ETV2: variants seen among roughly 807,000 people sequenced by gnomAD.
The protein encoded by ETV2 is ETS variant transcription factor 2.
Under a neutral mutation model 35.7 loss-of-function variants are expected in ETV2, and 34 were observed. That is an observed-to-expected ratio of 0.95 (90% CI 0.72 to 1.27). The LOEUF is 1.27. Among genes scored for constraint, ETV2 ranks in the 50% most tolerant of loss-of-function variants. ETV2 has a pLI of 0.00. For missense variants in ETV2, 512 were observed against 470.5 expected, an observed-to-expected ratio of 1.09 and a Z score of -0.82; for synonymous variants, 207 against 203.9, an observed-to-expected ratio of 1.02 and a Z score of -0.13.
chr19:35,644,599 C>G lies in ETV2; in HGVS notation c.829-53C>G, dbSNP rs550330381. The G allele has an allele frequency of 5.9e-6, 9 of 1,527,260 alleles. No homozygotes were observed. In the South Asian group the frequency reaches 1.1e-4, roughly 19 times the overall value. The allele number at this position is 1,527,260 out of a possible 1,614,324, so 94.6% of individuals were successfully genotyped here. The stretch of plus-strand genomic sequence containing the variant: ...CCGCCCCCAGGCCCGGCCCTCCCCA[C>G]TATCGCCAAGCCCCGCCCCTTCCCA... On this transcript the variant is annotated intron_variant, in intron 6 of 6. Transcript: ENST00000402764. This position sits in a 1 kb window ranked among gnomAD's most constrained non-coding sequence, Gnocchi z 4.7.
In ETV2 at chr19:35,644,591, C is replaced by A; in HGVS notation, c.829-61C>A. ...ACTGCACACCGCCCCCAGGCCCGGC[C>A]CTCCCCACTATCGCCAAGCCCCGCC... On this transcript the variant is annotated intron_variant, in intron 6 of 6. Transcript: ENST00000402764. The surrounding 1 kb of genome is among the most constrained non-coding windows in gnomAD (Gnocchi z 4.7). 6.7e-7 allele frequency: 1 copy of A among 1,488,210 alleles called. No individual in the cohort carries two copies. Among genetic ancestry groups the A allele is most frequent in the Non-Finnish European group, 9.1e-7 (1 of 1,104,524 alleles). 92.2% of individuals were successfully genotyped at this position (1,488,210 alleles called of 1,614,324 possible).
rs1004314092 is a variant in ETV2, at chr19:35,642,937, C to G, written c.155-28C>G. On this transcript the variant is annotated intron_variant, in intron 3 of 6. Coordinates refer to ENST00000402764, the MANE Select transcript of ETV2 (RefSeq NM_014209.4). The surrounding 1 kb of genome is among the most constrained non-coding windows in gnomAD (Gnocchi z 4.4). ...GAGTGGGTAGTTGAGGGGTCTCTTT[C>G]ATTGCTCACAGTCCTCCCTAAACTC... 10 of 1,420,416 alleles carry G rather than the reference C, an allele frequency of 7.0e-6. No homozygotes were observed. In the Admixed American group the frequency reaches 1.2e-4, roughly 17 times the overall value. The allele number at this position is 1,420,416 out of a possible 1,614,324, so 88.0% of individuals were successfully genotyped here. A position where few individuals can be genotyped will look rare whatever the true frequency, so the allele number is the denominator to read the frequency against.
In ETV2 at chr19:35,644,590, C is replaced by A; in HGVS notation, c.829-62C>A. 1 of 1,477,374 alleles carries A rather than the reference C, an allele frequency of 6.8e-7. No homozygotes were observed. The highest frequency in any genetic ancestry group is 9.1e-7 in the Non-Finnish European group (1 of 1,097,582). 91.5% of individuals were successfully genotyped at this position (1,477,374 alleles called of 1,614,324 possible). On this transcript the variant is annotated intron_variant, in intron 6 of 6. Coordinates refer to ENST00000402764, the MANE Select transcript of ETV2 (RefSeq NM_014209.4). The surrounding 1 kb of genome is among the most constrained non-coding windows in gnomAD (Gnocchi z 4.7). ...CACTGCACACCGCCCCCAGGCCCGG[C>A]CCTCCCCACTATCGCCAAGCCCCGC... is the stretch of plus-strand genomic sequence containing the variant.
chr19:35,644,654 G>A lies in ETV2; in HGVS notation c.831G>A (p.Val277=). 6.2e-7 allele frequency: 1 copy of A among 1,606,144 alleles called. No individual in the cohort carries two copies. Among genetic ancestry groups the A allele is most frequent in the Non-Finnish European group, 8.5e-7 (1 of 1,175,576 alleles). ...REFQLCDPKE[V]ARLWGERKRK... is the part of the protein sequence containing the mutation. ...GACCGAGCGGGCCTCTGTCCTAGGT[G>A]GCTCGGCTGTGGGGCGAGCGCAAGA... The change falls in exon 7 of 7, where the codon GTG becomes GTA. Residue 277 remains valine (V), a splice_region_variant and synonymous_variant. Transcript: ENST00000402764. This position sits in a 1 kb window ranked among gnomAD's most constrained non-coding sequence, Gnocchi z 4.7.
In ETV2 at chr19:35,642,357, T is replaced by C; in HGVS notation, c.-27-77T>C. The C allele has an allele frequency of 1.3e-6, 1 of 742,958 alleles. No individual in the cohort carries two copies. Among genetic ancestry groups the C allele is most frequent in the Non-Finnish European group, 2.2e-6 (1 of 459,150 alleles). 46.0% of individuals were successfully genotyped at this position (742,958 alleles called of 1,614,324 possible). ...CTGGACTCCTGGCTCTGAGGGAAGC[T>C]AGGGCTGGGGCCCAGACTCCAGGGC... On this transcript the variant is annotated intron_variant, in intron 1 of 6. Coordinates refer to ENST00000402764, the MANE Select transcript of ETV2 (RefSeq NM_014209.4). The surrounding 1 kb of genome is among the most constrained non-coding windows in gnomAD (Gnocchi z 4.4).
At position 35,644,469 on chromosome 19, in the gene ETV2, C is replaced by A. The variant is rs1456906565; in HGVS notation, c.828+122C>A. Reference sequence around the variant, plus strand: ...CCGCCGCTCCCCGGCCCACTCGAGGCCCCGCCCAACCCTTCTCAAACCCAA... The same window carrying A: ...CCGCCGCTCCCCGGCCCACTCGAGGACCCGCCCAACCCTTCTCAAACCCAA... On this transcript the variant is annotated intron_variant, in intron 6 of 6. Transcript: ENST00000402764. This position sits in a 1 kb window ranked among gnomAD's most constrained non-coding sequence, Gnocchi z 4.7. The A allele has an allele frequency of 4.5e-6, 4 of 894,698 alleles. No homozygotes were observed. In the African/African-American group the frequency reaches 5.0e-5, roughly 11 times the overall value. 55.4% of individuals were successfully genotyped at this position (894,698 alleles called of 1,614,324 possible).
In ETV2 at chr19:35,643,096, C is replaced by T; in HGVS notation, c.235+51C>T. 7 of 1,404,774 alleles carry T rather than the reference C, an allele frequency of 5.0e-6. No homozygotes were observed. Among genetic ancestry groups the T allele is most frequent in the African/African-American group, 1.4e-5 (1 of 69,482 alleles). The allele number at this position is 1,404,774 out of a possible 1,614,324, so 87.0% of individuals were successfully genotyped here. A position where few individuals can be genotyped will look rare whatever the true frequency, so the allele number is the denominator to read the frequency against. ...GGTGGGGACTGGGGTCCCGAGGCAC[C>T]GGGGCTAGAGGTGTAGACTCCCTGA... is the stretch of plus-strand genomic sequence containing the variant. On this transcript the variant is annotated intron_variant, in intron 4 of 6. Transcript: ENST00000402764. The surrounding 1 kb of genome is among the most constrained non-coding windows in gnomAD (Gnocchi z 5.0).
chr19:35,643,378 C>G lies in ETV2; in HGVS notation c.340C>G (p.Leu114Val), dbSNP rs1267613517. Residue 114 changes from leucine to valine, a missense_variant, in exon 5 of 7, where the codon CTC becomes GTC. Coordinates refer to ENST00000402764, the MANE Select transcript of ETV2 (RefSeq NM_014209.4). The surrounding 1 kb of genome is among the most constrained non-coding windows in gnomAD (Gnocchi z 5.0). ...GASQTLGPAPLGPGPIPAAGS... is the reference protein window; with the variant it reads ...GASQTLGPAPVGPGPIPAAGS... ...CTCGCAGACCCTGGGCCCCGCCCCT[C>G]TCGGCCCGGGCCCCATCCCCGCCGC... 6.4e-7 allele frequency: 1 copy of G among 1,561,912 alleles called. No homozygotes were observed. Among genetic ancestry groups the G allele is most frequent in the South Asian group, 1.2e-5 (1 of 85,330 alleles).
At position 35,643,839 on chromosome 19, in the gene ETV2, A is replaced by G; in HGVS notation, c.715+86A>G. 1 of 1,570,020 alleles carries G rather than the reference A, an allele frequency of 6.4e-7. No homozygotes were observed. Among genetic ancestry groups the G allele is most frequent in the Non-Finnish European group, 8.6e-7 (1 of 1,159,916 alleles). ...CACCTAAGGGGGCGGGGCCCGGGAG[A>G]CTGACAGTGAGGGGGCGGGGGCTTA... is the stretch of plus-strand genomic sequence containing the variant. On this transcript the variant is annotated intron_variant, in intron 5 of 6. Coordinates refer to ENST00000402764, the MANE Select transcript of ETV2 (RefSeq NM_014209.4). The surrounding 1 kb of genome is among the most constrained non-coding windows in gnomAD (Gnocchi z 5.0).
chr19:35,643,151 C>G lies in ETV2; in HGVS notation c.235+106C>G. ...TGAGGACTGAGAACACCTGCGCCCT[C>G]AAGGTGGCATGACCTGGATCCGGGT... On this transcript the variant is annotated intron_variant, in intron 4 of 6. Coordinates refer to ENST00000402764, the MANE Select transcript of ETV2 (RefSeq NM_014209.4). The surrounding 1 kb of genome is among the most constrained non-coding windows in gnomAD (Gnocchi z 5.0). 7.0e-7 allele frequency: 1 copy of G among 1,433,500 alleles called. No homozygotes were observed. Among genetic ancestry groups the G allele is most frequent in the Non-Finnish European group, 9.5e-7 (1 of 1,056,760 alleles). 88.8% of individuals were successfully genotyped at this position (1,433,500 alleles called of 1,614,324 possible).
At position 35,642,807 on chromosome 19, in the gene ETV2, G is replaced by A. The variant is rs1967638354; in HGVS notation, c.154+109G>A. 1 of 1,027,812 alleles carries A rather than the reference G, an allele frequency of 9.7e-7. No homozygotes were observed. Among genetic ancestry groups the A allele is most frequent in the South Asian group, 1.4e-5 (1 of 72,326 alleles). 63.7% of individuals were successfully genotyped at this position (1,027,812 alleles called of 1,614,324 possible). On this transcript the variant is annotated intron_variant, in intron 3 of 6. Transcript: ENST00000402764. This position sits in a 1 kb window ranked among gnomAD's most constrained non-coding sequence, Gnocchi z 4.4. ...CTAGGTTCCTGGGACTGGGTGGGGAGGGGCCGCGTGCTTGACCCCTGAGGG... is the reference window on the plus strand; with the variant it reads ...CTAGGTTCCTGGGACTGGGTGGGGAAGGGCCGCGTGCTTGACCCCTGAGGG...
rs140000431 is a variant in ETV2 at position 35,643,250 on chromosome 19, C to T, written c.236-24C>T. ...TGAGGGGGCACCTGGGCTCCCCTCA[C>T]TCGGGATCCGTTACTCCTCACAGAG... On this transcript the variant is annotated intron_variant, in intron 4 of 6. Coordinates refer to ENST00000402764, the MANE Select transcript of ETV2 (RefSeq NM_014209.4). The surrounding 1 kb of genome is among the most constrained non-coding windows in gnomAD (Gnocchi z 5.0). The T allele has an allele frequency of 1.9e-6, 3 of 1,577,746 alleles. No homozygotes were observed. Among genetic ancestry groups the T allele is most frequent in the Non-Finnish European group, 2.6e-6 (3 of 1,166,034 alleles).
Position 35,643,622 on chromosome 19 carries a change from A to ACC in ETV2, c.586_587dup (p.Gly197ArgfsTer11). On this transcript the variant is annotated frameshift_variant, in exon 5 of 7. Coordinates refer to ENST00000402764, the MANE Select transcript of ETV2 (RefSeq NM_014209.4). LOFTEE classifies it high-confidence loss of function. This position sits in a 1 kb window ranked among gnomAD's most constrained non-coding sequence, Gnocchi z 5.0. ...GGCCCGGACTGTACCACCTCCTGGA[A>ACC]CCCGGGGCTGCATGCGGGTGGCACC... is the stretch of plus-strand genomic sequence containing the variant. 6.2e-7 allele frequency: 1 copy of ACC among 1,612,526 alleles called. No individual in the cohort carries two copies. Among genetic ancestry groups the ACC allele is most frequent in the South Asian group, 1.1e-5 (1 of 90,944 alleles).
In ETV2 at chr19:35,642,395, C is replaced by A. The variant is rs1035508809; in HGVS notation, c.-27-39C>A. On this transcript the variant is annotated intron_variant, in intron 1 of 6. Transcript: ENST00000402764. The surrounding 1 kb of genome is among the most constrained non-coding windows in gnomAD (Gnocchi z 4.4). Reference sequence around the variant, plus strand: ...CAGACTCCAGGGCCTCCAAGTGTCACCAGCTCACCCATTGCCATCTGGACT... The same window carrying A: ...CAGACTCCAGGGCCTCCAAGTGTCAACAGCTCACCCATTGCCATCTGGACT... 2 of 1,147,092 alleles carry A rather than the reference C, an allele frequency of 1.7e-6. No homozygotes were observed. The highest frequency in any genetic ancestry group is 2.5e-6 in the Non-Finnish European group (2 of 801,912). 71.1% of individuals were successfully genotyped at this position (1,147,092 alleles called of 1,614,324 possible). A position where few individuals can be genotyped will look rare whatever the true frequency, so the allele number is the denominator to read the frequency against.
At position 35,643,626 on chromosome 19, in the gene ETV2, G is replaced by T; in HGVS notation, c.588G>T (p.Pro196=). 1.9e-6 allele frequency: 3 copies of T among 1,612,822 alleles called. No homozygotes were observed. Among genetic ancestry groups the T allele is most frequent in the South Asian group, 1.1e-5 (1 of 90,986 alleles). The stretch of plus-strand genomic sequence containing the variant: ...CGGACTGTACCACCTCCTGGAACCC[G>T]GGGCTGCATGCGGGTGGCACCACCT... ...AGPDCTTSWN[P]GLHAGGTTSL... The change falls in exon 5 of 7, where the codon CCG becomes CCT. Residue 196 remains proline (P), a synonymous_variant. Transcript: ENST00000402764. This position sits in a 1 kb window ranked among gnomAD's most constrained non-coding sequence, Gnocchi z 5.0.
Position 35,643,277 on chromosome 19 carries a change from C to T in ETV2, c.239C>T (p.Pro80Leu). Residue 80 changes from proline (P) to leucine (L), a missense_variant, in exon 5 of 7, where the codon CCC (proline) becomes CTC (leucine). Coordinates refer to ENST00000402764, the MANE Select transcript of ETV2 (RefSeq NM_014209.4). The surrounding 1 kb of genome is among the most constrained non-coding windows in gnomAD (Gnocchi z 5.0). ...CGGGATCCGTTACTCCTCACAGAGC[C>T]CGACTCTCAGGCTCTTCCGTGGTCC... ...LHPEVPWGAE[P>L]DSQALPWSGD... The T allele has an allele frequency of 6.3e-7, 1 of 1,595,762 alleles. No individual in the cohort carries two copies. Among genetic ancestry groups the T allele is most frequent in the South Asian group, 1.1e-5 (1 of 88,464 alleles).
Position 35,644,689 on chromosome 19 carries a change from G to A in ETV2, c.866G>A (p.Gly289Asp), listed in dbSNP as rs1967718720. The A allele has an allele frequency of 6.2e-7, 1 of 1,603,718 alleles. No homozygotes were observed. Among genetic ancestry groups the A allele is most frequent in the Admixed American group, 1.7e-5 (1 of 58,786 alleles). The change falls in exon 7 of 7, where the codon GGC (glycine) becomes GAC (aspartate). Residue 289 changes from glycine (G) to aspartate (D), a missense_variant. Physicochemically the swap from Gly to Asp is moderately conservative, Grantham distance 94. Transcript: ENST00000402764. The surrounding 1 kb of genome is among the most constrained non-coding windows in gnomAD (Gnocchi z 4.7). ...TGGGGCGAGCGCAAGAGAAAGCCGGGCATGAATTACGAGAAGCTGAGCCGG... is the reference window on the plus strand; with the variant it reads ...TGGGGCGAGCGCAAGAGAAAGCCGGACATGAATTACGAGAAGCTGAGCCGG... ...RLWGERKRKP[G>D]MNYEKLSRGL...
rs1967621890 is a variant in ETV2 at position 35,642,305 on chromosome 19, G to T, written c.-27-129G>T. The T allele has an allele frequency of 1.0e-5, 6 of 575,040 alleles. No homozygotes were observed. Among genetic ancestry groups the T allele is most frequent in the Non-Finnish European group, 1.8e-5 (6 of 327,018 alleles). 35.6% of individuals were successfully genotyped at this position (575,040 alleles called of 1,614,324 possible). On this transcript the variant is annotated intron_variant, in intron 1 of 6. Transcript: ENST00000402764. The surrounding 1 kb of genome is among the most constrained non-coding windows in gnomAD (Gnocchi z 4.4). ...CTCACTCCCAGGACCAAGATTTTAGGCTCCTGGGGAAGGAGGGAGCGGAGG... is the reference window on the plus strand; with the variant it reads ...CTCACTCCCAGGACCAAGATTTTAGTCTCCTGGGGAAGGAGGGAGCGGAGG...
chr19:35,642,887 C>T lies in ETV2; in HGVS notation c.155-78C>T. The T allele has an allele frequency of 9.7e-7, 1 of 1,026,602 alleles. No individual in the cohort carries two copies. The highest frequency in any genetic ancestry group is 1.5e-6 in the Non-Finnish European group (1 of 671,844). 63.6% of individuals were successfully genotyped at this position (1,026,602 alleles called of 1,614,324 possible). A position where few individuals can be genotyped will look rare whatever the true frequency, so the allele number is the denominator to read the frequency against. ...ATACGGGCTGGGGGGCCATAACTCCCAGTCCCTGACAAGTAGAGACTAGAG... is the reference window on the plus strand; with the variant it reads ...ATACGGGCTGGGGGGCCATAACTCCTAGTCCCTGACAAGTAGAGACTAGAG... On this transcript the variant is annotated intron_variant, in intron 3 of 6. Transcript: ENST00000402764. The surrounding 1 kb of genome is among the most constrained non-coding windows in gnomAD (Gnocchi z 4.4).
Sources: gnomAD v4.1 joint callset for allele counts on GRCh38, gnomAD v4.1.1 for gene constraint, Gnocchi (gnomAD v3.1) non-coding constraint, MANE v1.5 for transcripts, NCBI Gene and HGNC (gene_info 2026-07-23, HGNC 2026-07-21) for gene names.